ITSN1: variants seen among roughly 807,000 people sequenced by gnomAD.
ITSN1 encodes intersectin 1, also known as intersectin-1.
A neutral mutation model predicts 239.8 loss-of-function variants in ITSN1; 58 were observed. That is an observed-to-expected ratio of 0.24 (90% CI 0.20 to 0.30). ITSN1 has a LOEUF of 0.30. Among genes scored for constraint, ITSN1 ranks in the 10% least tolerant of loss-of-function variants. The pLI is 1.00. For missense variants in ITSN1, 1,558 were observed against 2,103.3 expected (o/e 0.74, Z 5.07); for synonymous variants, 780 against 770.8 (o/e 1.01, Z -0.20).
chr21:33,708,899 T>C (rs2092330729), intron 1 of ITSN1, among the ~76,000 whole-genome samples: 1 of 152,208 alleles, frequency 6.6e-6, no homozygotes, highest in Non-Finnish European at 1.5e-5. Flanking sequence ...TGATCCACTT[T>C]GTTTGTTGAA....
chr21:33,666,181 T>G (rs367620545), intron 1 of ITSN1, among the ~76,000 whole-genome samples: 23 of 152,332 alleles, frequency 1.5e-4, no homozygotes, highest in Middle Eastern at 3.4e-3. Flanking sequence ...TCCACCTGCC[T>G]TGGACTTCCA....
At chr21:33,874,048 G>A (rs1255809842) in intron 33 of ITSN1, among the ~76,000 whole-genome samples, 2 of 150,448 alleles carry the variant, frequency 1.3e-5, no homozygotes, top group African/African-American at 2.5e-5. Flanking sequence ...CCAGCTACTC[G>A]GGAGGCTGAG....
Position 33,875,529 on chromosome 21 carries a change from A to G in ITSN1, c.4341+8A>G. 1 of 1,611,520 alleles carries G rather than the reference A, an allele frequency of 6.2e-7. No individual in the cohort carries two copies. The highest frequency in any genetic ancestry group is 8.5e-7 in the Non-Finnish European group (1 of 1,178,172). On this transcript the variant is annotated splice_region_variant and intron_variant, in intron 34 of 39. Coordinates refer to ENST00000381318, the MANE Select transcript of ITSN1 (RefSeq NM_003024.3). ...TGTGAAGGCCTGTCTGAGGTAGCCAACCTTGGGGCTGGGCCCTGGTCTCCC... is the reference window on the plus strand; with the variant it reads ...TGTGAAGGCCTGTCTGAGGTAGCCAGCCTTGGGGCTGGGCCCTGGTCTCCC...
At position 33,882,583 on chromosome 21, in the gene ITSN1, A is replaced by C; in HGVS notation, c.4554+128A>C. ...ATGCAGGAGAAGGCCAGGAGTTGAA[A>C]TGCGATTTAGGGTGTCCGGAGTGGA... On this transcript the variant is annotated intron_variant, in intron 35 of 39. Coordinates refer to ENST00000381318, the MANE Select transcript of ITSN1 (RefSeq NM_003024.3). This position sits in a 1 kb window ranked among gnomAD's most constrained non-coding sequence, Gnocchi z 4.5. 1.3e-6 allele frequency: 1 copy of C among 751,872 alleles called. No individual in the cohort carries two copies. The highest frequency in any genetic ancestry group is 1.8e-5 in the South Asian group (1 of 55,108). 46.6% of individuals were successfully genotyped at this position (751,872 alleles called of 1,614,324 possible). A position where few individuals can be genotyped will look rare whatever the true frequency, so the allele number is the denominator to read the frequency against.
intron 25 of ITSN1, among the ~76,000 whole-genome samples, chr21:33,825,273 A>G (rs1369305448): frequency 6.6e-6 from 1 of 152,224 alleles, no homozygotes; most frequent in African/African-American, 2.4e-5. Flanking sequence ...GCCACAGAAG[A>G]ACTAGCAGTA....
Position 33,756,565 on chromosome 21 carries a change from T to C in ITSN1, c.724+1168T>C, listed in dbSNP as rs116271879. ...CTCCCAAAAGAAAAAAGGTATCTTATGTTTAAAAATGTCAGAGTTGGACGA... is the reference window on the plus strand; with the variant it reads ...CTCCCAAAAGAAAAAAGGTATCTTACGTTTAAAAATGTCAGAGTTGGACGA... On this transcript the variant is annotated intron_variant, in intron 8 of 39. Coordinates refer to ENST00000381318, the MANE Select transcript of ITSN1 (RefSeq NM_003024.3). Among the ~76,000 whole-genome samples the C allele has an allele frequency of 7.2e-3, 1,098 of 152,288 alleles. 14 individuals carry two copies. The highest frequency in any genetic ancestry group is 0.025 in the African/African-American group (1,045 of 41,562).
chr21:33,801,506 A>G (rs988104972), intron 19 of ITSN1, among the ~76,000 whole-genome samples: 5 of 152,148 alleles, frequency 3.3e-5, no homozygotes, highest in Non-Finnish European at 7.4e-5. Context: ...TCTGTCACCT[A>G]GGCCAGAGTG....
At chr21:33,885,929 G>A (rs1161772996) in intron 38 of ITSN1, among the ~76,000 whole-genome samples, 4 of 151,694 alleles carry the variant, frequency 2.6e-5, no homozygotes, top group Non-Finnish European at 4.4e-5. Context: ...GGGAGCGGCC[G>A]GGCATGGTGG....
At chr21:33,812,043 G>A (rs2072952408) in intron 21 of ITSN1, among the ~76,000 whole-genome samples, 1 of 152,178 alleles carries the variant, frequency 6.6e-6, no homozygotes. Flanking sequence ...CTCAGGGCGG[G>A]AGGAAGTGGA....
intron 39 of ITSN1, among the ~76,000 whole-genome samples, chr21:33,887,810 A>G (rs986715259): frequency 2.0e-5 from 3 of 151,702 alleles, no homozygotes; most frequent in Non-Finnish European, 2.9e-5. Context: ...GTCTCACTCT[A>G]TTGCCCAGGC....
intron 33 of ITSN1, among the ~76,000 whole-genome samples, chr21:33,871,139 A>G (rs994588273): frequency 1.3e-5 from 2 of 151,864 alleles, no homozygotes; most frequent in East Asian, 3.9e-4. Context: ...TCAAAAAAAA[A>G]ACAAAAAACA....
chr21:33,827,650 A>G (rs1188057111), intron 26 of ITSN1, among the ~76,000 whole-genome samples: 1 of 152,222 alleles, frequency 6.6e-6, no homozygotes, highest in East Asian at 1.9e-4. Flanking sequence ...CATTGAAGGT[A>G]CAAAATTGTA....
chr21:33,761,303 G>A (rs998867276), intron 8 of ITSN1, among the ~76,000 whole-genome samples: 3 of 152,226 alleles, frequency 2.0e-5, no homozygotes, highest in Middle Eastern at 6.9e-3. Flanking sequence ...CTGAGCTCGA[G>A]CCATCTGCCT....
chr21:33,834,963 A>G (rs952315725), intron 28 of ITSN1, among the ~76,000 whole-genome samples: 12 of 152,302 alleles, frequency 7.9e-5, no homozygotes, highest in African/African-American at 2.9e-4. Flanking sequence ...AGAACAGAGC[A>G]CAGCAGTTGG....
At chr21:33,829,532 C>A in intron 26 of ITSN1, 92 bp from the exon 27 acceptor site, 1 of 1,360,418 alleles carries the variant, frequency 7.4e-7, no homozygotes. Context: ...TTGATGTGTT[C>A]ATCTGTGAAC....
intron 1 of ITSN1, among the ~76,000 whole-genome samples, chr21:33,717,858 C>T (rs1305266062): frequency 6.6e-6 from 1 of 152,180 alleles, no homozygotes; most frequent in Non-Finnish European, 1.5e-5. Context: ...TGAGCCACTG[C>T]GCCCGGCCCT....
At chr21:33,743,428 T>C (rs1478487381) in intron 5 of ITSN1, among the ~76,000 whole-genome samples, 2 of 152,142 alleles carry the variant, frequency 1.3e-5, no homozygotes, top group Non-Finnish European at 2.9e-5. Flanking sequence ...ATCACACCAC[T>C]GCACTCCAGC....
Position 33,818,474 on chromosome 21 carries a change from T to C in ITSN1, c.2933+2T>C. 1 of 1,609,206 alleles carries C rather than the reference T, an allele frequency of 6.2e-7. No individual in the cohort carries two copies. Among genetic ancestry groups the C allele is most frequent in the Non-Finnish European group, 8.5e-7 (1 of 1,175,522 alleles). On this transcript the variant is annotated splice_donor_variant, in intron 23 of 39. Transcript: ENST00000381318. LOFTEE classifies it high-confidence loss of function. Reference sequence around the variant, plus strand: ...AGGGCCCATAAGGAAGTCTACAAGGTATTTTTGTATTTATCTGCTTGTATT... The same window carrying C: ...AGGGCCCATAAGGAAGTCTACAAGGCATTTTTGTATTTATCTGCTTGTATT...
intron 8 of ITSN1, among the ~76,000 whole-genome samples, chr21:33,759,039 A>T (rs1450886833): frequency 6.6e-6 from 1 of 152,208 alleles, no homozygotes; most frequent in Non-Finnish European, 1.5e-5. Context: ...ATTACAAGAG[A>T]TAATTGTGAT....
Sources: gnomAD v4.1 joint callset for allele counts (sites outside exome capture counted in the v4.1 genomes callset) on GRCh38, gnomAD v4.1.1 for gene constraint, Gnocchi (gnomAD v3.1) non-coding constraint, MANE v1.5 for transcripts, NCBI Gene and HGNC (gene_info 2026-07-23, HGNC 2026-07-21) for gene names.